Variants in UST observed in about 807,000 individuals in gnomAD.
The protein encoded by UST is chondroitin sulfate 2-O-sulfotransferase.
Under a neutral mutation model 45.6 loss-of-function variants are expected in UST, and 21 were observed. That is an observed-to-expected ratio of 0.46 (90% confidence interval 0.33 to 0.66). UST has a LOEUF of 0.66. Among genes scored for constraint, UST ranks in the 30% least tolerant of loss-of-function variants. The pLI is 0.02. For missense variants in UST, 463 were observed against 512.4 expected, an observed-to-expected ratio of 0.90 and a Z score of 0.93; for synonymous variants, 215 against 200.6, an observed-to-expected ratio of 1.07 and a Z score of -0.61.
chr6:148,930,475 C>G (rs369983197), intron 2 of UST, among the ~76,000 whole-genome samples: 1 of 152,102 alleles, frequency 6.6e-6, no homozygotes, highest in African/African-American at 2.4e-5. Context: ...ATGACTAGCA[C>G]GCAGTAAATG....
intron 5 of UST, among the ~76,000 whole-genome samples, chr6:148,977,451 TTAAA>T (rs1165908744): frequency 6.6e-6 from 1 of 152,024 alleles, no homozygotes; most frequent in Admixed American, 6.6e-5. Context: ...CTTAGGAACT[TTAAA>T]ATCAGCTTGT....
At chr6:148,982,081 A>G (rs1781147364) in intron 5 of UST, among the ~76,000 whole-genome samples, 2 of 143,600 alleles carry the variant, frequency 1.4e-5, no homozygotes, top group African/African-American at 2.5e-5. Context: ...AAGCGAGTGA[A>G]CTCCCTCCAT....
At chr6:148,910,793 T>G (rs1220080815) in intron 2 of UST, among the ~76,000 whole-genome samples, 1 of 152,190 alleles carries the variant, frequency 6.6e-6, no homozygotes, top group African/African-American at 2.4e-5. Flanking sequence ...ACATGCATCC[T>G]AAGGTAAATA....
At chr6:148,781,687 T>C (rs906047435) in intron 1 of UST, among the ~76,000 whole-genome samples, 5 of 152,192 alleles carry the variant, frequency 3.3e-5, no homozygotes, top group African/African-American at 1.2e-4. Context: ...GAGAACCCGG[T>C]ACCTGGCTTT....
At chr6:148,824,426 C>G (rs1777528841) in intron 1 of UST, among the ~76,000 whole-genome samples, 1 of 152,168 alleles carries the variant, frequency 6.6e-6, no homozygotes, top group Non-Finnish European at 1.5e-5. Flanking sequence ...GTCAGCAAAA[C>G]AAGAGTCTTC....
At chr6:149,053,160 T>G (rs1776513173) in intron 7 of UST, among the ~76,000 whole-genome samples, 1 of 152,230 alleles carries the variant, frequency 6.6e-6, no homozygotes, top group Non-Finnish European at 1.5e-5. Flanking sequence ...TGTTTAGATA[T>G]AAAAATATTT....
intron 7 of UST, among the ~76,000 whole-genome samples, chr6:149,070,979 G>A (rs1776810660): frequency 6.6e-6 from 1 of 152,088 alleles, no homozygotes; most frequent in South Asian, 2.1e-4. Context: ...TGTTGGCCTG[G>A]ATGGTCTCGA....
chr6:148,913,626 A>C (rs908225378), intron 2 of UST, among the ~76,000 whole-genome samples: 1 of 152,096 alleles, frequency 6.6e-6, no homozygotes, highest in Non-Finnish European at 1.5e-5. Flanking sequence ...TTGATTCCTT[A>C]ACATGAAATG....
intron 1 of UST, among the ~76,000 whole-genome samples, chr6:148,871,117 C>CCTCCCTCTCT (rs1554221899): frequency 2.0e-5 from 2 of 97,586 alleles, no homozygotes; most frequent in Non-Finnish European, 3.7e-5. Flanking sequence ...GCATTCTCTC[C>CCTCCCTCTCT]CTCTCTCTCT....
intron 7 of UST, among the ~76,000 whole-genome samples, chr6:149,046,622 C>T (rs1255338297): frequency 2.0e-5 from 3 of 152,180 alleles, no homozygotes; most frequent in African/African-American, 7.2e-5. Flanking sequence ...GTTTCTTCAT[C>T]CGAAAGCAGA....
chr6:148,989,218 C>A (rs759988782), intron 5 of UST, among the ~76,000 whole-genome samples: 4 of 116,584 alleles, frequency 3.4e-5, no homozygotes, highest in Admixed American at 1.8e-4. Flanking sequence ...GGCCCCCCCC[C>A]ACCCCCCGCA....
intron 5 of UST, among the ~76,000 whole-genome samples, chr6:149,018,179 C>G (rs755422673): frequency 5.3e-5 from 8 of 152,180 alleles, no homozygotes; most frequent in Non-Finnish European, 1.2e-4. Context: ...AATTATATTT[C>G]TCTCATTCCC....
intron 1 of UST, among the ~76,000 whole-genome samples, chr6:148,852,067 A>G (rs1227253688): frequency 1.3e-5 from 2 of 152,244 alleles, no homozygotes; most frequent in Non-Finnish European, 2.9e-5. Flanking sequence ...AAAGGGATTA[A>G]GCAAACCAGC....
chr6:148,974,891 T>C (rs17080807), intron 5 of UST, among the ~76,000 whole-genome samples: 2,979 of 152,308 alleles, frequency 0.02, 82 homozygotes, highest in African/African-American at 0.055. Context: ...TGGTTTGACT[T>C]TTATAGTAAG....
At chr6:148,929,438 A>G (rs1415923031) in intron 2 of UST, among the ~76,000 whole-genome samples, 1 of 152,230 alleles carries the variant, frequency 6.6e-6, no homozygotes, top group East Asian at 1.9e-4. Context: ...CAGGAAAGAT[A>G]GTCTCTTCTT....
intron 1 of UST, among the ~76,000 whole-genome samples, chr6:148,809,359 CCT>C (rs1165647595): frequency 2.0e-5 from 3 of 151,614 alleles, no homozygotes; most frequent in Non-Finnish European, 2.9e-5. Flanking sequence ...CTTGCTGCCA[CCT>C]CTTTCTCCCA....
chr6:148,766,410 A>G (rs1476938670), intron 1 of UST, among the ~76,000 whole-genome samples: 1 of 152,038 alleles, frequency 6.6e-6, no homozygotes, highest in Admixed American at 6.6e-5. Context: ...GCCCTCCTTT[A>G]TATTTAGCTT....
At chr6:148,814,999 A>C (rs1777329024) in intron 1 of UST, among the ~76,000 whole-genome samples, 2 of 152,230 alleles carry the variant, frequency 1.3e-5, no homozygotes, top group African/African-American at 4.8e-5. Flanking sequence ...AATAGTTTGT[A>C]ATAATAAAAG....
chr6:148,767,823 A>AT (rs1468331590), intron 1 of UST, among the ~76,000 whole-genome samples: 2 of 152,218 alleles, frequency 1.3e-5, no homozygotes, highest in African/African-American at 4.8e-5. Context: ...AGTATCATAG[A>AT]TATCGTTTCA....
Sources: gnomAD v4.1 joint callset for allele counts (sites outside exome capture counted in the v4.1 genomes callset) on GRCh38, gnomAD v4.1.1 for gene constraint, MANE v1.5 for transcripts, NCBI Gene and HGNC (gene_info 2026-07-23, HGNC 2026-07-21) for gene names.